The following TNFRSF8 variants were observed in gnomAD, a reference collection of about 807,000 sequenced individuals.
TNFRSF8 encodes the protein tumor necrosis factor receptor superfamily member 8.
In TNFRSF8, 26 loss-of-function variants were observed where a neutral mutation model predicts 70.8. That is an observed-to-expected ratio of 0.37 (90% CI 0.27 to 0.51). The LOEUF (loss-of-function observed/expected upper bound fraction) is 0.51, where lower values mean the gene tolerates loss of function less well. Among genes scored for constraint, TNFRSF8 ranks in the 20% least tolerant of loss-of-function variants. The pLI, the probability that TNFRSF8 is intolerant of heterozygous loss-of-function variation, is 0.94. For missense variants in TNFRSF8, 720 were observed against 807.9 expected (o/e 0.89, Z 1.32); for synonymous variants, 356 against 339.2 (o/e 1.05, Z -0.54).
intron 10 of TNFRSF8, among the ~76,000 whole-genome samples, chr1:12,125,627 A>G (rs1403579308): frequency 6.6e-6 from 1 of 152,208 alleles, no homozygotes; most frequent in Non-Finnish European, 1.5e-5. Flanking sequence ...CAGTGCTGCC[A>G]GATGCCGGTC....
chr1:12,076,255 C>G (rs2100954229), intron 1 of TNFRSF8, among the ~76,000 whole-genome samples: 1 of 152,010 alleles, frequency 6.6e-6, no homozygotes, highest in East Asian at 1.9e-4. Context: ...CATAAGCCAC[C>G]ATGCCCGGCT....
intron 1 of TNFRSF8, among the ~76,000 whole-genome samples, chr1:12,074,284 C>CTT (rs112610085): frequency 6.9e-6 from 1 of 144,828 alleles, no homozygotes. Context: ...TTCTTTCTTT[C>CTT]TTTTTTTTTT....
rs1223448978 is a variant in TNFRSF8 at position 12,141,608 on chromosome 1, A to G, written c.1544-679A>G. ...CTATTGAGGGGGCCGGGTTTTCTGC[A>G]GGATGTGACAGGCTGGCTGAGTTTG... is the stretch of plus-strand genomic sequence containing the variant. On this transcript the variant is annotated intron_variant, in intron 14 of 14. Transcript: ENST00000263932. This position sits in a 1 kb window ranked among gnomAD's most constrained non-coding sequence, Gnocchi z 5.4. Among the ~76,000 whole-genome samples the G allele has an allele frequency of 6.6e-6, 1 of 152,230 alleles. No individual in the cohort carries two copies. The highest frequency in any genetic ancestry group is 2.4e-5 in the African/African-American group (1 of 41,460).
At chr1:12,089,650 G>A (rs939859265) in intron 2 of TNFRSF8, among the ~76,000 whole-genome samples, 2 of 152,168 alleles carry the variant, frequency 1.3e-5, no homozygotes, top group African/African-American at 4.8e-5. Context: ...AGAAGGACAA[G>A]GTCCTGCCTC....
intron 1 of TNFRSF8, among the ~76,000 whole-genome samples, chr1:12,064,345 C>G (rs1158392006): frequency 1.3e-5 from 2 of 152,202 alleles, no homozygotes; most frequent in Non-Finnish European, 2.9e-5. Context: ...TTTAGGAAAA[C>G]TGAGCACTTA....
intron 2 of TNFRSF8, among the ~76,000 whole-genome samples, chr1:12,084,765 G>A (rs1342641685): frequency 6.6e-6 from 1 of 152,170 alleles, no homozygotes. Context: ...GCTGCCACCA[G>A]AATGTCCATC....
At position 12,144,116 on chromosome 1, in the gene TNFRSF8, T is replaced by C. The variant is rs999953667; in HGVS notation, c.*1585T>C. 1 of 152,226 alleles carries C rather than the reference T, an allele frequency of 6.6e-6. No individual in the cohort carries two copies. Among genetic ancestry groups the C allele is most frequent in the Non-Finnish European group, 1.5e-5 (1 of 68,036 alleles). 9.4% of individuals were successfully genotyped at this position (152,226 alleles called of 1,614,324 possible). A position where few individuals can be genotyped will look rare whatever the true frequency, so the allele number is the denominator to read the frequency against. On this transcript the variant is annotated 3_prime_UTR_variant, in exon 15 of 15. Transcript: ENST00000263932. ...GCGCCCATGATGGGAGGGATTGACA[T>C]GTTTCAACAAAATAATGCACTTCCT...
chr1:12,115,047 A>T (rs1049267720), intron 7 of TNFRSF8, among the ~76,000 whole-genome samples: 8 of 152,078 alleles, frequency 5.3e-5, no homozygotes, highest in African/African-American at 1.9e-4. Flanking sequence ...ACATATTCAG[A>T]TGTAGAGTGA....
In TNFRSF8 at chr1:12,109,472, A is replaced by G; in HGVS notation, c.422-94A>G. ...GACTGCTGTGTTTTCCAAGGGCCCC[A>G]TCTCCGACTCTGGCCTGTGGTAGTG... On this transcript the variant is annotated intron_variant, in intron 4 of 14. Transcript: ENST00000263932. This position sits in a 1 kb window ranked among gnomAD's most constrained non-coding sequence, Gnocchi z 4.4. The G allele has an allele frequency of 9.8e-7, 1 of 1,022,386 alleles. No individual in the cohort carries two copies. The highest frequency in any genetic ancestry group is 2.5e-5 in the East Asian group (1 of 39,516). The allele number at this position is 1,022,386 out of a possible 1,614,324, so 63.3% of individuals were successfully genotyped here.
At chr1:12,089,735 A>C (rs1641214602) in intron 2 of TNFRSF8, among the ~76,000 whole-genome samples, 1 of 152,114 alleles carries the variant, frequency 6.6e-6, no homozygotes, top group African/African-American at 2.4e-5. Flanking sequence ...CTGTGCTAAG[A>C]TAGTTTCAAA....
In TNFRSF8 at chr1:12,088,406, CA is replaced by C. The variant is rs1287499981; in HGVS notation, c.151+3856del. ...GGGTTCAGGAATTTGCACAAGGCCA[CA>C]TGCGTATCAGTGGCTCAGCCGGGCC... On this transcript the variant is annotated intron_variant, in intron 2 of 14. Coordinates refer to ENST00000263932, the MANE Select transcript of TNFRSF8 (RefSeq NM_001243.5). The surrounding 1 kb of genome is among the most constrained non-coding windows in gnomAD (Gnocchi z 4.0). Among the ~76,000 whole-genome samples the C allele has an allele frequency of 3.9e-5, 6 of 152,148 alleles. No individual in the cohort carries two copies. Among genetic ancestry groups the C allele is most frequent in the African/African-American group, 1.4e-4 (6 of 41,442 alleles).
At position 12,109,438 on chromosome 1, in the gene TNFRSF8, CCT is replaced by C; in HGVS notation, c.422-126_422-125del. The C allele has an allele frequency of 1.4e-6, 1 of 692,418 alleles. No homozygotes were observed. Among genetic ancestry groups the C allele is most frequent in the Admixed American group, 2.7e-5 (1 of 36,510 alleles). 42.9% of individuals were successfully genotyped at this position (692,418 alleles called of 1,614,324 possible). On this transcript the variant is annotated intron_variant, in intron 4 of 14. Transcript: ENST00000263932. The surrounding 1 kb of genome is among the most constrained non-coding windows in gnomAD (Gnocchi z 4.4). ...GGGAACGGGTGCCAGGCGGGTGCCACCTCCAGATGACTGCTGTGTTTTCCAAG... is the reference window on the plus strand; with the variant it reads ...GGGAACGGGTGCCAGGCGGGTGCCACCCAGATGACTGCTGTGTTTTCCAAG...
chr1:12,084,519 CTGTCAGGAGGTGCTGTTACCGCTGCCCCA>C lies in TNFRSF8; in HGVS notation c.122_150del (p.Val41GlyfsTer14). On this transcript the variant is annotated frameshift_variant, in exon 2 of 15. Transcript: ENST00000263932. LOFTEE classifies it high-confidence loss of function. ...AACCCCAGCCACTACTATGACAAGG[CTGTCAGGAGGTGCTGTTACCGCTGCCCCA>C]TGGGTGAGTGGGGGCGTTGGGGGTG... 6.2e-7 allele frequency: 1 copy of C among 1,613,952 alleles called. No homozygotes were observed.
chr1:12,143,240 T>C lies in TNFRSF8; in HGVS notation c.*709T>C, dbSNP rs1642292007. The C allele has an allele frequency of 6.6e-6, 1 of 152,128 alleles. No individual in the cohort carries two copies. Among genetic ancestry groups the C allele is most frequent in the Non-Finnish European group, 1.5e-5 (1 of 68,088 alleles). 9.4% of individuals were successfully genotyped at this position (152,128 alleles called of 1,614,324 possible). On this transcript the variant is annotated 3_prime_UTR_variant, in exon 15 of 15. Transcript: ENST00000263932. This position sits in a 1 kb window ranked among gnomAD's most constrained non-coding sequence, Gnocchi z 4.1. ...TGGGCCCAGGGCCTAGGGCCCAGGA[T>C]CAAGTCACTCATCTCAGAATGTCCC...
intron 2 of TNFRSF8, among the ~76,000 whole-genome samples, chr1:12,093,487 TA>T (rs2100980696): frequency 2.0e-5 from 3 of 152,174 alleles, no homozygotes; most frequent in Middle Eastern, 6.8e-3. Context: ...TGTGAGGCCC[TA>T]TGATAGGGGA....
chr1:12,085,892 G>A (rs889681646), intron 2 of TNFRSF8, among the ~76,000 whole-genome samples: 1 of 152,224 alleles, frequency 6.6e-6, no homozygotes, highest in African/African-American at 2.4e-5. Flanking sequence ...ATGCCCTCGT[G>A]GTCTCTGACC....
rs189526359 is a variant in TNFRSF8 at position 12,103,728 on chromosome 1, A to C, written c.269-651A>C. Among the ~76,000 whole-genome samples, 290 of 152,206 alleles carry C rather than the reference A, an allele frequency of 1.9e-3. 2 individuals carry two copies. Among genetic ancestry groups the C allele is most frequent in the South Asian group, 0.018 (87 of 4,814 alleles). The stretch of plus-strand genomic sequence containing the variant: ...TTCACTATGTCGCCATATGAGGGCA[A>C]ATGATCCTCCTGCCTCGGCCTCCCA... On this transcript the variant is annotated intron_variant, in intron 3 of 14. Coordinates refer to ENST00000263932, the MANE Select transcript of TNFRSF8 (RefSeq NM_001243.5).
chr1:12,135,611 A>G lies in TNFRSF8; in HGVS notation c.1333A>G (p.Thr445Ala). 6.2e-7 allele frequency: 1 copy of G among 1,614,138 alleles called. No homozygotes were observed. The highest frequency in any genetic ancestry group is 8.5e-7 in the Non-Finnish European group (1 of 1,180,004). Reference protein sequence around the residue: ...LVDSRPRRSSTQLRSGASVTE... With the variant: ...LVDSRPRRSSAQLRSGASVTE... Reference sequence around the variant, plus strand: ...AGATTCCAGACCCAGGAGGAGCTCAACGGTAAGTACCCCTCCCTTGCCCCC... The same window carrying G: ...AGATTCCAGACCCAGGAGGAGCTCAGCGGTAAGTACCCCTCCCTTGCCCCC... The change falls in exon 13 of 15, where the codon ACG (threonine) becomes GCG (alanine). Residue 445 changes from threonine (T) to alanine (A), a missense_variant and splice_region_variant. Physicochemically the swap from Thr to Ala is moderately conservative, Grantham distance 58 (BLOSUM62 0). Coordinates refer to ENST00000263932, the MANE Select transcript of TNFRSF8 (RefSeq NM_001243.5).
At position 12,097,082 on chromosome 1, in the gene TNFRSF8, T is replaced by C; in HGVS notation, c.152-19T>C. 6.2e-7 allele frequency: 1 copy of C among 1,606,872 alleles called. No individual in the cohort carries two copies. The highest frequency in any genetic ancestry group is 8.5e-7 in the Non-Finnish European group (1 of 1,174,208). On this transcript the variant is annotated intron_variant, in intron 2 of 14. Transcript: ENST00000263932. ...TGCTAAGTCAGCCTGGCTTGGAGCT[T>C]CTCTGTTTCTTTTCCCAGGGCTGTT... is the stretch of plus-strand genomic sequence containing the variant.
Sources: gnomAD v4.1 joint callset for allele counts (sites outside exome capture counted in the v4.1 genomes callset) on GRCh38, gnomAD v4.1.1 for gene constraint, Gnocchi (gnomAD v3.1) non-coding constraint, MANE v1.5 for transcripts, NCBI Gene and HGNC (gene_info 2026-07-23, HGNC 2026-07-21) for gene names.